JAM2: variants seen among roughly 807,000 people sequenced by gnomAD.
JAM2 encodes the protein junctional adhesion molecule B.
In JAM2, 17 loss-of-function variants were observed where a neutral mutation model predicts 42.0. The ratio of observed to expected loss-of-function variants is 0.40; its 90% CI spans 0.28 to 0.61. JAM2 has a LOEUF of 0.61. Among genes scored for constraint, JAM2 ranks in the 20% least tolerant of loss-of-function variants. JAM2 has a pLI of 0.37. For synonymous variants in JAM2, 118 were observed against 128.6 expected (o/e 0.92, Z 0.56); for missense variants, 319 against 358.3 (o/e 0.89, Z 0.89).
chr21:25,679,155 T>C (rs1198901829), intron 1 of JAM2, among the ~76,000 whole-genome samples: 3 of 152,246 alleles, frequency 2.0e-5, no homozygotes, highest in African/African-American at 7.2e-5. Flanking sequence ...CGTGTGCTCC[T>C]TAAGAGTGAT....
Position 25,714,674 on chromosome 21 carries a change from G to A in JAM2, c.*2G>A. 6.6e-7 allele frequency: 1 copy of A among 1,508,414 alleles called. No homozygotes were observed. The highest frequency in any genetic ancestry group is 1.3e-5 in the South Asian group (1 of 78,546). 93.4% of individuals were successfully genotyped at this position (1,508,414 alleles called of 1,614,324 possible). A position where few individuals can be genotyped will look rare whatever the true frequency, so the allele number is the denominator to read the frequency against. ...CACACAAAATCCTTTATAATTTAAA[G>A]ACTCCACTTTAGAGATACACCAAAG... On this transcript the variant is annotated 3_prime_UTR_variant, in exon 10 of 10. Coordinates refer to ENST00000480456, the MANE Select transcript of JAM2 (RefSeq NM_021219.4).
At chr21:25,679,855 G>A (rs1326257845) in intron 1 of JAM2, among the ~76,000 whole-genome samples, 4 of 152,138 alleles carry the variant, frequency 2.6e-5, no homozygotes, top group African/African-American at 7.2e-5. Context: ...CGGGGATCAC[G>A]GTGTGGGCCT....
chr21:25,673,482 A>T (rs567180328), intron 1 of JAM2, among the ~76,000 whole-genome samples: 1 of 152,340 alleles, frequency 6.6e-6, no homozygotes, highest in South Asian at 2.1e-4. Flanking sequence ...GTTTATTCAA[A>T]TTAGTTCATT....
chr21:25,654,668 A>C (rs956574169), intron 1 of JAM2, among the ~76,000 whole-genome samples: 8 of 149,596 alleles, frequency 5.3e-5, no homozygotes, highest in Non-Finnish European at 8.8e-5. Flanking sequence ...AAAAAAAAAA[A>C]ATTGGAAGCA....
chr21:25,697,055 G>A (rs2034054796), intron 4 of JAM2, among the ~76,000 whole-genome samples: 1 of 146,124 alleles, frequency 6.8e-6, no homozygotes. Context: ...ATGTTTCCCA[G>A]GCTGGTCTCA....
chr21:25,711,533 C>G, intron 8 of JAM2: 1 of 393,432 alleles, frequency 2.5e-6, no homozygotes, highest in South Asian at 1.9e-5. Flanking sequence ...ACTTCCTGTT[C>G]CCAGATTTCT....
chr21:25,641,267 A>G (rs1317720527), intron 1 of JAM2, among the ~76,000 whole-genome samples: 1 of 152,250 alleles, frequency 6.6e-6, no homozygotes, highest in African/African-American at 2.4e-5. Flanking sequence ...TAAATTTCAA[A>G]TAGAAAAGAG....
chr21:25,680,913 G>T (rs554402082), intron 1 of JAM2, among the ~76,000 whole-genome samples: 1 of 152,220 alleles, frequency 6.6e-6, no homozygotes, highest in Admixed American at 6.5e-5. Context: ...AGAGAATCAA[G>T]TTACAGAATA....
chr21:25,649,664 G>T (rs2032717300), intron 1 of JAM2, among the ~76,000 whole-genome samples: 1 of 152,002 alleles, frequency 6.6e-6, no homozygotes, highest in African/African-American at 2.4e-5. Flanking sequence ...TAATCTCTTT[G>T]TTACTCAATT....
At chr21:25,694,439 A>C (rs2033951257) in intron 4 of JAM2, among the ~76,000 whole-genome samples, 1 of 152,236 alleles carries the variant, frequency 6.6e-6, no homozygotes, top group Non-Finnish European at 1.5e-5. Flanking sequence ...AATGGAAGTT[A>C]AATGATTTAA....
chr21:25,680,547 T>C (rs989157487), intron 1 of JAM2, among the ~76,000 whole-genome samples: 5 of 152,080 alleles, frequency 3.3e-5, no homozygotes, highest in African/African-American at 1.2e-4. Context: ...AAGACAAAGT[T>C]TGGGGGCAAG....
Position 25,652,837 on chromosome 21 carries a change from G to A in JAM2, c.67+12949G>A, listed in dbSNP as rs77542799. Among the ~76,000 whole-genome samples the A allele has an allele frequency of 1.8e-3, 278 of 152,312 alleles. 7 individuals carry two copies. The East Asian group carries it at 0.05, about 28-fold the overall frequency. ...AAAGGCCCAGAAGACATCACAGCCT[G>A]TATCAATCAGCTTTGAAGAAGTAAC... is the stretch of plus-strand genomic sequence containing the variant. On this transcript the variant is annotated intron_variant, in intron 1 of 9. Transcript: ENST00000480456.
intron 1 of JAM2, chr21:25,643,598 C>T (rs2032511966): frequency 6.6e-6 from 1 of 152,200 alleles, no homozygotes; most frequent in African/African-American, 2.4e-5. Context: ...TAAGAAGCAA[C>T]TGCCATAATC....
At chr21:25,698,989 G>A (rs2034102048) in intron 5 of JAM2, 110 bp downstream of exon 5, 1 of 947,818 alleles carries the variant, frequency 1.1e-6, no homozygotes, top group East Asian at 2.6e-5. Flanking sequence ...CTTGCTAAGT[G>A]GAGAGAGGCA....
At chr21:25,712,217 TAAGA>T (rs772099061) in intron 8 of JAM2, 119 bp from the exon 9 acceptor site, 1 of 725,020 alleles carries the variant, frequency 1.4e-6, no homozygotes, top group African/African-American at 1.7e-5. Flanking sequence ...TTTTTCTACC[TAAGA>T]TATATGTTCA....
At chr21:25,641,595 G>GTT (rs35512715) in intron 1 of JAM2, among the ~76,000 whole-genome samples, 1 of 149,226 alleles carries the variant, frequency 6.7e-6, no homozygotes, top group Non-Finnish European at 1.5e-5. Context: ...GTATGTGGGT[G>GTT]TTTTTTTTTT....
At chr21:25,704,019 C>T (rs2034221388) in intron 6 of JAM2, among the ~76,000 whole-genome samples, 1 of 151,656 alleles carries the variant, frequency 6.6e-6, no homozygotes, top group Non-Finnish European at 1.5e-5. Context: ...AGGGTGAATC[C>T]TTCCTTCATA....
At chr21:25,676,697 G>T (rs1473716076) in intron 1 of JAM2, among the ~76,000 whole-genome samples, 1 of 152,156 alleles carries the variant, frequency 6.6e-6, no homozygotes, top group East Asian at 1.9e-4. Context: ...AGGCCTACAT[G>T]ACCATTTTCT....
In JAM2 at chr21:25,714,653, C is replaced by T. The variant is rs1568923486; in HGVS notation, c.878C>T (p.Thr293Ile). The T allele has an allele frequency of 1.3e-6, 2 of 1,510,868 alleles. No homozygotes were observed. The highest frequency in any genetic ancestry group is 8.9e-7 in the Non-Finnish European group (1 of 1,122,624). The allele number at this position is 1,510,868 out of a possible 1,614,324, so 93.6% of individuals were successfully genotyped here. ...TTMSENDFKH[T>I]KSFII ...TTCTTTTCCTAGGATTTCAAGCACA[C>T]AAAATCCTTTATAATTTAAAGACTC... Residue 293 changes from threonine to isoleucine, a missense_variant, in exon 10 of 10, where the codon ACA (threonine) becomes ATA (isoleucine). Transcript: ENST00000480456.
Sources: gnomAD v4.1 joint callset for allele counts (sites outside exome capture counted in the v4.1 genomes callset) on GRCh38, gnomAD v4.1.1 for gene constraint, MANE v1.5 for transcripts, NCBI Gene and HGNC (gene_info 2026-07-23, HGNC 2026-07-21) for gene names.